KSR2: variants seen among roughly 807,000 people sequenced by gnomAD.
KSR2 encodes the protein kinase suppressor of ras 2.
Under a neutral mutation model 107.8 loss-of-function variants are expected in KSR2, and 25 were observed. The observed-to-expected ratio is 0.23, with a 90% CI of 0.17 to 0.32. The LOEUF (loss-of-function observed/expected upper bound fraction) is 0.32. Ranked by LOEUF, KSR2 falls within the 10% of genes least tolerant of loss-of-function variation. The pLI is 1.00. For missense variants in KSR2, 887 were observed against 1,268.9 expected, an observed-to-expected ratio of 0.70 and a Z score of 4.57; for synonymous variants, 480 against 507.0, an observed-to-expected ratio of 0.95 and a Z score of 0.71.
intron 5 of KSR2, among the ~76,000 whole-genome samples, chr12:117,666,777 G>T (rs768108469): frequency 7.9e-5 from 12 of 152,162 alleles, no homozygotes; most frequent in Non-Finnish European, 1.8e-4. Flanking sequence ...TGCTGTCTTG[G>T]CTGGAGGACT....
chr12:117,499,157 C>T (rs1380306464), intron 14 of KSR2, among the ~76,000 whole-genome samples: 1 of 152,228 alleles, frequency 6.6e-6, no homozygotes, highest in Non-Finnish European at 1.5e-5. Flanking sequence ...TTTTTGTTGA[C>T]TCACCAGAAC....
At position 117,453,468 on chromosome 12, in the gene KSR2, A is replaced by C. The variant is rs984124234; in HGVS notation, c.*13731T>G. ...CAGTCGACACAAACAAACATGGAGA[A>C]AAGAATATGGACCATCGGTCCGCGT... On this transcript the variant is annotated 3_prime_UTR_variant, in exon 20 of 20. Transcript: ENST00000339824. 4 of 152,618 alleles carry C rather than the reference A, an allele frequency of 2.6e-5. No homozygotes were observed. Among genetic ancestry groups the C allele is most frequent in the Non-Finnish European group, 5.9e-5 (4 of 68,044 alleles). 9.5% of individuals were successfully genotyped at this position (152,618 alleles called of 1,614,324 possible). A position where few individuals can be genotyped will look rare whatever the true frequency, so the allele number is the denominator to read the frequency against.
intron 4 of KSR2, among the ~76,000 whole-genome samples, chr12:117,690,201 C>T (rs914461019): frequency 5.3e-5 from 8 of 152,140 alleles, no homozygotes; most frequent in African/African-American, 1.9e-4. Flanking sequence ...ATCTTATTCA[C>T]CATTATGTCC....
chr12:117,867,456 G>A (rs970643329), intron 1 of KSR2, among the ~76,000 whole-genome samples: 1 of 152,134 alleles, frequency 6.6e-6, no homozygotes, highest in Non-Finnish European at 1.5e-5. Context: ...CCCCTCCTGT[G>A]TCCATACCCT....
At position 117,760,819 on chromosome 12, in the gene KSR2, C is replaced by T. The variant is rs193057374; in HGVS notation, c.986+192G>A. Among the ~76,000 whole-genome samples the T allele has an allele frequency of 3.1e-3, 476 of 152,334 alleles. 2 individuals carry two copies. Among genetic ancestry groups the T allele is most frequent in the African/African-American group, 0.011 (443 of 41,574 alleles). On this transcript the variant is annotated intron_variant, in intron 4 of 19. Transcript: ENST00000339824. ...TAGGATATTAATCGTATTTTTTAAA[C>T]GGCCAATTCTGGGAAATTCTGTTCT... is the stretch of plus-strand genomic sequence containing the variant.
intron 5 of KSR2, among the ~76,000 whole-genome samples, chr12:117,630,650 G>A (rs560601803): frequency 6.6e-6 from 1 of 152,264 alleles, no homozygotes; most frequent in African/African-American, 2.4e-5. Context: ...TGTGGGCGGT[G>A]GTGATGGTTC....
intron 1 of KSR2, among the ~76,000 whole-genome samples, chr12:117,882,938 C>T (rs1894072213): frequency 6.6e-6 from 1 of 152,048 alleles, no homozygotes; most frequent in African/African-American, 2.4e-5. Flanking sequence ...TCCAATTATT[C>T]ATGCAACCAT....
chr12:117,702,477 C>A (rs895129593), intron 4 of KSR2, among the ~76,000 whole-genome samples: 1 of 152,112 alleles, frequency 6.6e-6, no homozygotes, highest in Non-Finnish European at 1.5e-5. Context: ...AGTCTCTAAC[C>A]AAATATCAAA....
chr12:117,847,612 A>T (rs1447628120), intron 3 of KSR2, among the ~76,000 whole-genome samples: 1 of 152,070 alleles, frequency 6.6e-6, no homozygotes, highest in African/African-American at 2.4e-5. Flanking sequence ...TAAAAACCGG[A>T]AAAGAGATCC....
chr12:117,739,513 A>G (rs537077351), intron 4 of KSR2, among the ~76,000 whole-genome samples: 6 of 152,336 alleles, frequency 3.9e-5, no homozygotes, highest in African/African-American at 9.6e-5. Flanking sequence ...GTCATTATGC[A>G]GTGCATGAGT....
At chr12:117,702,635 T>C (rs2136623250) in intron 4 of KSR2, among the ~76,000 whole-genome samples, 1 of 152,322 alleles carries the variant, frequency 6.6e-6, no homozygotes, top group South Asian at 2.1e-4. Context: ...GGACATTGAC[T>C]TACACACTCC....
intron 4 of KSR2, among the ~76,000 whole-genome samples, chr12:117,675,002 C>A (rs1444460797): frequency 6.6e-6 from 1 of 152,114 alleles, no homozygotes; most frequent in Admixed American, 6.5e-5. Context: ...GGACATTATT[C>A]CCCATTGTGC....
chr12:117,464,091 C>A lies in KSR2; in HGVS notation c.*3108G>T, dbSNP rs115616035. 2.0e-5 allele frequency: 3 copies of A among 152,272 alleles called. No homozygotes were observed. Among genetic ancestry groups the A allele is most frequent in the African/African-American group, 7.2e-5 (3 of 41,534 alleles). 9.4% of individuals were successfully genotyped at this position (152,272 alleles called of 1,614,324 possible). On this transcript the variant is annotated 3_prime_UTR_variant, in exon 20 of 20. Transcript: ENST00000339824. Reference sequence around the variant, plus strand: ...TCCAGCTTGGCTCTGGGGATGGGGACACAAGGGGCACGTCCTCCCACAGGG... The same window carrying A: ...TCCAGCTTGGCTCTGGGGATGGGGAAACAAGGGGCACGTCCTCCCACAGGG...
chr12:117,628,472 G>T (rs544975617), intron 5 of KSR2, among the ~76,000 whole-genome samples: 2 of 152,328 alleles, frequency 1.3e-5, no homozygotes, highest in East Asian at 3.9e-4. Flanking sequence ...CTGCAGGTCT[G>T]TTGGAGTTTG....
At chr12:117,824,080 T>A (rs1442349570) in intron 3 of KSR2, among the ~76,000 whole-genome samples, 2 of 152,150 alleles carry the variant, frequency 1.3e-5, no homozygotes, top group Non-Finnish European at 2.9e-5. Flanking sequence ...TAAAAAGGAA[T>A]GAAATCCTGT....
intron 4 of KSR2, among the ~76,000 whole-genome samples, chr12:117,722,048 T>A (rs7137902): frequency 0.061 from 9,261 of 152,284 alleles, 352 homozygotes; most frequent in South Asian, 0.093. Flanking sequence ...AATTTTATTT[T>A]TTTTTAACAT....
At chr12:117,656,795 A>G (rs1469813921) in intron 5 of KSR2, among the ~76,000 whole-genome samples, 1 of 151,732 alleles carries the variant, frequency 6.6e-6, no homozygotes, top group African/African-American at 2.4e-5. Flanking sequence ...CTTGAATATT[A>G]GACTCTAAGT....
At chr12:117,611,880 G>A (rs1049724592) in intron 5 of KSR2, among the ~76,000 whole-genome samples, 1 of 152,152 alleles carries the variant, frequency 6.6e-6, no homozygotes, top group Non-Finnish European at 1.5e-5. Flanking sequence ...GACAAATATT[G>A]TATGATTCCA....
At chr12:117,765,161 G>A (rs145247626) in intron 3 of KSR2, among the ~76,000 whole-genome samples, 2 of 152,194 alleles carry the variant, frequency 1.3e-5, no homozygotes, top group Admixed American at 6.5e-5. Context: ...TTTCTCCATC[G>A]CATGGTAAGC....
Sources: gnomAD v4.1 joint callset for allele counts (sites outside exome capture counted in the v4.1 genomes callset) on GRCh38, gnomAD v4.1.1 for gene constraint, MANE v1.5 for transcripts, NCBI Gene and HGNC (gene_info 2026-07-23, HGNC 2026-07-21) for gene names.